EAF2: variants seen among roughly 807,000 people sequenced by gnomAD.
EAF2 encodes the protein ELL associated factor 2.
EAF2 carries 29 observed loss-of-function variants against 29.4 expected under a neutral mutation model. That is an observed-to-expected ratio of 0.99 (90% CI 0.73 to 1.35). EAF2 has a LOEUF of 1.35. Ranked by LOEUF, EAF2 falls within the 40% of genes most tolerant of loss-of-function variation. The pLI is 0.00. For synonymous variants in EAF2, 103 were observed against 102.5 expected (o/e 1.00, Z -0.03); for missense variants, 292 against 312.0 (o/e 0.94, Z 0.48).
intron 1 of EAF2, among the ~76,000 whole-genome samples, chr3:121,842,322 C>T (rs1708450015): frequency 6.6e-6 from 1 of 152,114 alleles, no homozygotes; most frequent in South Asian, 2.1e-4. Context: ...TGTATATATC[C>T]ATATTAAATG....
At position 121,863,148 on chromosome 3, in the gene EAF2, C is replaced by T. The variant is rs577373281; in HGVS notation, c.484+5992C>T. 2.0e-5 allele frequency among the ~76,000 whole-genome samples: 3 copies of T among 152,306 alleles called. No homozygotes were observed. The East Asian group carries it at 5.8e-4, about 29-fold the overall frequency. Reference sequence around the variant, plus strand: ...AGTTAGGCTATTCGGGGGTCAGGGACCCACTTGAGGAGGAAGTCTGTCCGT... The same window carrying T: ...AGTTAGGCTATTCGGGGGTCAGGGATCCACTTGAGGAGGAAGTCTGTCCGT... On this transcript the variant is annotated intron_variant, in intron 4 of 5. Coordinates refer to ENST00000273668, the MANE Select transcript of EAF2 (RefSeq NM_018456.6).
chr3:121,838,245 G>A (rs1708340956), intron 1 of EAF2, among the ~76,000 whole-genome samples: 1 of 152,152 alleles, frequency 6.6e-6, no homozygotes. Context: ...TTGCATAGAT[G>A]AAAGAAATCC....
At position 121,858,515 on chromosome 3, in the gene EAF2, C is replaced by A. The variant is rs71618048; in HGVS notation, c.484+1359C>A. ...TCCTTTGCCCACTTTTTGATGGAGTCGTTTGTTTTTTTCTTGTAAATTTGT... is the reference window on the plus strand; with the variant it reads ...TCCTTTGCCCACTTTTTGATGGAGTAGTTTGTTTTTTTCTTGTAAATTTGT... On this transcript the variant is annotated intron_variant, in intron 4 of 5. Coordinates refer to ENST00000273668, the MANE Select transcript of EAF2 (RefSeq NM_018456.6). Among the ~76,000 whole-genome samples the A allele has an allele frequency of 2.7e-3, 403 of 152,068 alleles. 1 individual carries two copies. Among genetic ancestry groups the A allele is most frequent in the African/African-American group, 9.3e-3 (385 of 41,502 alleles).
intron 4 of EAF2, among the ~76,000 whole-genome samples, chr3:121,870,538 A>G (rs79729391): frequency 0.11 from 16,880 of 152,142 alleles, 1,004 homozygotes; most frequent in South Asian, 0.16. Flanking sequence ...AACCGATTCA[A>G]GAAGGAGCCA....
At chr3:121,856,189 G>A (rs1708713274) in intron 3 of EAF2, among the ~76,000 whole-genome samples, 1 of 152,154 alleles carries the variant, frequency 6.6e-6, no homozygotes, top group Non-Finnish European at 1.5e-5. Flanking sequence ...GGAAACTTTA[G>A]AAGTGATTTA....
intron 5 of EAF2, among the ~76,000 whole-genome samples, chr3:121,881,837 A>G (rs977988668): frequency 6.6e-6 from 1 of 152,190 alleles, no homozygotes; most frequent in African/African-American, 2.4e-5. Context: ...TAAAAAATTT[A>G]TTCCAGTAAA....
Position 121,886,341 on chromosome 3 carries a change from G to A in EAF2, c.737-1G>A. 1 of 1,476,792 alleles carries A rather than the reference G, an allele frequency of 6.8e-7. No individual in the cohort carries two copies. The highest frequency in any genetic ancestry group is 9.0e-7 in the Non-Finnish European group (1 of 1,107,604). 91.5% of individuals were successfully genotyped at this position (1,476,792 alleles called of 1,614,324 possible). On this transcript the variant is annotated splice_acceptor_variant, in intron 5 of 5. Coordinates refer to ENST00000273668, the MANE Select transcript of EAF2 (RefSeq NM_018456.6). LOFTEE classifies it high-confidence loss of function. ...GTTTTGTTATTTCTTTCTTATTTTA[G>A]GAAATGATTTGCAGCTGAGTGAATC...
chr3:121,836,895 CT>C, intron 1 of EAF2: 1 of 648,178 alleles, frequency 1.5e-6, no homozygotes, highest in African/African-American at 2.0e-5. Context: ...TATATATTCT[CT>C]TATGTAGGGC....
intron 1 of EAF2, among the ~76,000 whole-genome samples, chr3:121,838,644 A>G (rs1368488640): frequency 1.3e-5 from 2 of 152,204 alleles, no homozygotes; most frequent in East Asian, 1.9e-4. Context: ...TTTTGCATAC[A>G]TTTGTCTCTT....
At chr3:121,837,083 T>C (rs970765217) in intron 1 of EAF2, among the ~76,000 whole-genome samples, 2 of 152,054 alleles carry the variant, frequency 1.3e-5, no homozygotes, top group East Asian at 3.9e-4. Flanking sequence ...ATAATGACAA[T>C]AATAAATAAA....
chr3:121,868,361 G>A (rs1304021359), intron 4 of EAF2, among the ~76,000 whole-genome samples: 1 of 152,202 alleles, frequency 6.6e-6, no homozygotes, highest in African/African-American at 2.4e-5. Flanking sequence ...CACTTTGGGA[G>A]GCCGAGGCAG....
At chr3:121,863,606 G>C (rs761809687) in intron 4 of EAF2, among the ~76,000 whole-genome samples, 1 of 152,154 alleles carries the variant, frequency 6.6e-6, no homozygotes, top group Non-Finnish European at 1.5e-5. Context: ...TGTCACAGCT[G>C]CCCTTTGCTA....
intron 5 of EAF2, among the ~76,000 whole-genome samples, chr3:121,878,088 T>C (rs1248048841): frequency 6.6e-6 from 1 of 152,266 alleles, no homozygotes; most frequent in African/African-American, 2.4e-5. Context: ...TAGAAGTTAA[T>C]GTAATAGATA....
At chr3:121,859,359 G>C (rs1708783555) in intron 4 of EAF2, among the ~76,000 whole-genome samples, 1 of 152,096 alleles carries the variant, frequency 6.6e-6, no homozygotes, top group Admixed American at 6.6e-5. Context: ...GCAGTGGTTT[G>C]TATTTCTGCT....
At chr3:121,861,365 G>A (rs9822832) in intron 4 of EAF2, among the ~76,000 whole-genome samples, 3,459 of 152,260 alleles carry the variant, frequency 0.023, 135 homozygotes, top group African/African-American at 0.08. Flanking sequence ...TGTACTGGGT[G>A]CATATATATT....
intron 5 of EAF2, among the ~76,000 whole-genome samples, chr3:121,873,377 T>C (rs762851083): frequency 6.6e-6 from 1 of 151,884 alleles, no homozygotes; most frequent in Non-Finnish European, 1.5e-5. Flanking sequence ...CTCTTTACAG[T>C]GTAGCCACTC....
At chr3:121,858,275 C>T (rs1047125811) in intron 4 of EAF2, among the ~76,000 whole-genome samples, 1 of 152,254 alleles carries the variant, frequency 6.6e-6, no homozygotes, top group Non-Finnish European at 1.5e-5. Context: ...AACTAATTTA[C>T]AGTCCCATCA....
intron 1 of EAF2, among the ~76,000 whole-genome samples, chr3:121,835,920 A>G (rs1159829919): frequency 1.3e-5 from 2 of 152,182 alleles, no homozygotes; most frequent in African/African-American, 2.4e-5. Context: ...GATTTCACTC[A>G]GTTATCAAAT....
At chr3:121,873,163 CA>C (rs1709046543) in intron 5 of EAF2, 1 of 610,712 alleles carries the variant, frequency 1.6e-6, no homozygotes, top group Non-Finnish European at 2.9e-6. Flanking sequence ...AGGTAACTTG[CA>C]AATTTATATC....
Sources: allele counts gnomAD v4.1 joint callset (sites outside exome capture counted in the v4.1 genomes callset), GRCh38; gene constraint gnomAD v4.1.1; transcripts MANE v1.5; gene names NCBI Gene and HGNC (gene_info 2026-07-23, HGNC 2026-07-21).